Variants in SPEN observed in about 807,000 individuals in gnomAD.
SPEN encodes spen family transcriptional repressor, also known as msx2-interacting protein.
In SPEN, 18 loss-of-function variants were observed where a neutral mutation model predicts 269.9. The observed-to-expected ratio is 0.07, with a 90% CI of 0.05 to 0.10. The LOEUF (loss-of-function observed/expected upper bound fraction) is 0.10. Among genes scored for constraint, SPEN ranks in the 10% least tolerant of loss-of-function variants. The pLI, the probability that SPEN is intolerant of heterozygous loss-of-function variation, is 1.00. For missense variants in SPEN, 3,822 were observed against 4,631.2 expected (o/e 0.83, Z 5.07); for synonymous variants, 1,726 against 1,765.7 (o/e 0.98, Z 0.56).
At chr1:15,876,165 C>T (rs772841025) in intron 2 of SPEN, 37 bp from the exon 3 acceptor site, 19 of 1,543,120 alleles carry the variant, frequency 1.2e-5, no homozygotes, top group Non-Finnish European at 1.7e-5. Context: ...TTGCTTGCTC[C>T]TTTCTGATTA....
chr1:15,871,332 T>C (rs1453345244), intron 1 of SPEN, among the ~76,000 whole-genome samples: 1 of 152,028 alleles, frequency 6.6e-6, no homozygotes, highest in African/African-American at 2.4e-5. Context: ...TAGTCACTTT[T>C]CTCATGTATT....
At chr1:15,873,518 T>C in intron 2 of SPEN, 2 of 999,754 alleles carry the variant, frequency 2.0e-6, no homozygotes, top group Non-Finnish European at 1.2e-6. Flanking sequence ...GGAATATTTC[T>C]GGAATATTAG....
At chr1:15,926,248 T>C (rs1052153027) in intron 10 of SPEN, among the ~76,000 whole-genome samples, 6 of 151,768 alleles carry the variant, frequency 4.0e-5, no homozygotes, top group African/African-American at 1.5e-4. Context: ...TACAAAAAAA[T>C]TGGCCAAGCG....
At chr1:15,889,273 C>T (rs1427685982) in intron 3 of SPEN, among the ~76,000 whole-genome samples, 10 of 148,538 alleles carry the variant, frequency 6.7e-5, no homozygotes, top group African/African-American at 2.5e-4. Flanking sequence ...TCAAGCAGTT[C>T]TCCTGCCTCA....
Position 15,900,697 on chromosome 1 carries a change from G to A in SPEN, c.882-8624G>A, listed in dbSNP as rs780763296. 6.2e-4 allele frequency among the ~76,000 whole-genome samples: 95 copies of A among 152,206 alleles called. No homozygotes were observed. In the Middle Eastern group the frequency reaches 0.01, roughly 16 times the overall value. Reference sequence around the variant, plus strand: ...GAATAATCAATGTTAAGGATCCTGCGTTTGGATTGCAGCTTGAAATTAGCA... The same window carrying A: ...GAATAATCAATGTTAAGGATCCTGCATTTGGATTGCAGCTTGAAATTAGCA... On this transcript the variant is annotated intron_variant, in intron 3 of 14. Coordinates refer to ENST00000375759, the MANE Select transcript of SPEN (RefSeq NM_015001.3).
intron 8 of SPEN, 79 bp downstream of exon 8, chr1:15,919,596 C>A: frequency 1.3e-6 from 1 of 786,928 alleles, no homozygotes; most frequent in Non-Finnish European, 2.0e-6. Flanking sequence ...TCTCAGTTGG[C>A]TAGCATTGCC....
At chr1:15,849,764 G>T (rs2070315039) in intron 1 of SPEN, among the ~76,000 whole-genome samples, 1 of 152,114 alleles carries the variant, frequency 6.6e-6, no homozygotes, top group Non-Finnish European at 1.5e-5. Flanking sequence ...GCTTCTCCTC[G>T]AGTATCGTCA....
rs778851515 is a variant in SPEN, at chr1:15,928,258, A to T, written c.2018A>T (p.Tyr673Phe). The change falls in exon 11 of 15, where the codon TAC becomes TTC. Residue 673 changes from tyrosine to phenylalanine, a missense_variant. Physicochemically the swap from Tyr to Phe is conservative, Grantham distance 22 (BLOSUM62 3). This residue lies in a region of SPEN where 572 missense variants were observed against 582.6 expected (regional missense o/e 0.98). Coordinates refer to ENST00000375759, the MANE Select transcript of SPEN (RefSeq NM_015001.3). This position sits in a 1 kb window ranked among gnomAD's most constrained non-coding sequence, Gnocchi z 5.7. ...CAAGGAGACTACTATGAATCACGAT[A>T]CTACGATGATCCTCGGGAATACAGG... ...TYQGDYYESR[Y>F]YDDPREYRDY... The T allele has an allele frequency of 6.2e-7, 1 of 1,614,198 alleles. No homozygotes were observed. The highest frequency in any genetic ancestry group is 1.1e-5 in the South Asian group (1 of 91,084).
chr1:15,886,479 G>A (rs1403160963), intron 3 of SPEN, among the ~76,000 whole-genome samples: 1 of 152,298 alleles, frequency 6.6e-6, no homozygotes, highest in African/African-American at 2.4e-5. Flanking sequence ...GTCCAGGGGC[G>A]GGGCGCAGGG....
chr1:15,918,827 A>C (rs1242366847), intron 6 of SPEN, 99 bp from the exon 7 acceptor site: 7 of 968,278 alleles, frequency 7.2e-6, no homozygotes, highest in Non-Finnish European at 1.1e-5. Flanking sequence ...ATGATTGAGA[A>C]CATGACTTTT....
rs149173601 is a variant in SPEN at position 15,928,660 on chromosome 1, G to C, written c.2420G>C (p.Arg807Pro). The change falls in exon 11 of 15, where the codon CGC becomes CCC. Residue 807 changes from arginine to proline, a missense_variant. By Grantham distance (103) the Arg-to-Pro change is moderately radical. Coordinates refer to ENST00000375759, the MANE Select transcript of SPEN (RefSeq NM_015001.3). The surrounding 1 kb of genome is among the most constrained non-coding windows in gnomAD (Gnocchi z 5.7). ...CCGGAGAGAGTGGAGAGAGAGAGAC[G>C]CTTAATACGGAAGGAAAAAGTGGAA... ...FDPERVERER[R>P]LIRKEKVEKD... The C allele has an allele frequency of 6.0e-4, 968 of 1,613,874 alleles. No individual in the cohort carries two copies. The highest frequency in any genetic ancestry group is 7.6e-4 in the Non-Finnish European group (893 of 1,180,026).
At chr1:15,855,627 A>AGGCG (rs1225643657) in intron 1 of SPEN, among the ~76,000 whole-genome samples, 1 of 152,094 alleles carries the variant, frequency 6.6e-6, no homozygotes, top group African/African-American at 2.4e-5. Context: ...TGGGAGGCTG[A>AGGCG]GGCGGGCGGG....
intron 4 of SPEN, among the ~76,000 whole-genome samples, chr1:15,910,175 A>G (rs900810200): frequency 6.6e-6 from 1 of 151,510 alleles, no homozygotes; most frequent in African/African-American, 2.4e-5. Flanking sequence ...TAGCCTAAAA[A>G]CTTATGTATC....
At chr1:15,909,719 T>C (rs531130753) in intron 4 of SPEN, among the ~76,000 whole-genome samples, 9 of 152,346 alleles carry the variant, frequency 5.9e-5, no homozygotes, top group East Asian at 1.9e-4. Context: ...TACTCCTACA[T>C]TGGTCATGTT....
chr1:15,896,187 CTTTTTTTT>C (rs34846762), intron 3 of SPEN, among the ~76,000 whole-genome samples: 23 of 69,216 alleles, frequency 3.3e-4, no homozygotes, highest in Admixed American at 1.1e-3. Flanking sequence ...TTTACCATCA[CTTTTTTTT>C]TTTTTTTTTT....
At chr1:15,897,787 C>T (rs183276529) in intron 3 of SPEN, among the ~76,000 whole-genome samples, 65 of 152,344 alleles carry the variant, frequency 4.3e-4, no homozygotes, top group African/African-American at 1.5e-3. Flanking sequence ...GCTTGAGCCA[C>T]TGCACCTGGC....
intron 1 of SPEN, among the ~76,000 whole-genome samples, chr1:15,870,755 G>GAGT (rs138690768): frequency 6.6e-6 from 1 of 151,816 alleles, no homozygotes; most frequent in East Asian, 1.9e-4. Context: ...TTCTAGAAAG[G>GAGT]AGTATTGAGA....
intron 3 of SPEN, among the ~76,000 whole-genome samples, chr1:15,890,350 G>A (rs995128311): frequency 1.3e-5 from 2 of 151,816 alleles, no homozygotes; most frequent in Non-Finnish European, 2.9e-5. Context: ...TCCTGCCTCA[G>A]CCTCCCGAGT....
At chr1:15,860,468 T>TGTGTGTGTAG (rs1557734664) in intron 1 of SPEN, among the ~76,000 whole-genome samples, 1 of 150,022 alleles carries the variant, frequency 6.7e-6, no homozygotes, top group Non-Finnish European at 1.5e-5. Flanking sequence ...TGTGTGTGTG[T>TGTGTGTGTAG]GTGTGTGTAG....
Sources: gnomAD v4.1 joint callset for allele counts (sites outside exome capture counted in the v4.1 genomes callset) on GRCh38, gnomAD v4.1.1 for gene constraint, gnomAD v4.1.1 regional missense constraint, Gnocchi (gnomAD v3.1) non-coding constraint, MANE v1.5 for transcripts, NCBI Gene and HGNC (gene_info 2026-07-23, HGNC 2026-07-21) for gene names.